Variants in OCA2 observed in about 807,000 individuals in gnomAD.
OCA2 encodes OCA2 melanosomal transmembrane protein.
In OCA2, 77 loss-of-function variants were observed where a neutral mutation model predicts 100.2. The observed-to-expected ratio is 0.77, with a 90% confidence interval of 0.64 to 0.93. The LOEUF (loss-of-function observed/expected upper bound fraction) is 0.93, where lower values mean the gene tolerates loss of function less well. Among genes scored for constraint, OCA2 ranks in the 40% least tolerant of loss-of-function variants. The probability of loss-of-function intolerance (pLI) is 0.00; values close to 1 mark genes in which losing one functional copy is unlikely to be tolerated. For synonymous variants in OCA2, 432 were observed against 439.2 expected, an observed-to-expected ratio of 0.98 and a Z score of 0.21; for missense variants, 1,062 against 1,089.1, an observed-to-expected ratio of 0.98 and a Z score of 0.35.
intron 2 of OCA2, among the ~76,000 whole-genome samples, chr15:28,050,478 T>C (rs2043476328): frequency 6.6e-6 from 1 of 151,330 alleles, no homozygotes; most frequent in African/African-American, 2.4e-5. Flanking sequence ...GGAGAATAGC[T>C]TGAACCCGGG....
At chr15:27,910,871 G>A (rs1332646677) in intron 19 of OCA2, among the ~76,000 whole-genome samples, 20 of 151,852 alleles carry the variant, frequency 1.3e-4, no homozygotes, top group African/African-American at 4.3e-4. Context: ...CAGGAGAATC[G>A]CTTGAACCCA....
At chr15:27,740,981 AAGTAG>A in the OCA2 span, among the ~76,000 whole-genome samples, 6 of 152,306 alleles carry the variant, frequency 3.9e-5, no homozygotes, top group African/African-American at 1.4e-4. Context: ...TGATAACAGT[AAGTAG>A]AGTAGAGGAA....
chr15:27,753,455 C>T (rs985815436), downstream of OCA2, among the ~76,000 whole-genome samples: 1 of 152,130 alleles, frequency 6.6e-6, no homozygotes, highest in African/African-American at 2.4e-5. Flanking sequence ...AGGGATGGGC[C>T]GGGCACGGTG....
At chr15:27,982,595 A>T (rs2041204704) in intron 14 of OCA2, among the ~76,000 whole-genome samples, 1 of 152,220 alleles carries the variant, frequency 6.6e-6, no homozygotes, top group Admixed American at 6.5e-5. Flanking sequence ...CCCTGGAGCC[A>T]TGGATTCTCA....
the OCA2 span, among the ~76,000 whole-genome samples, chr15:27,742,004 G>C: frequency 6.6e-6 from 1 of 152,144 alleles, no homozygotes; most frequent in East Asian, 1.9e-4. Flanking sequence ...TCCTCCTCTT[G>C]ACATTTTCTT....
At chr15:27,752,812 C>A (rs984759032), downstream of OCA2, among the ~76,000 whole-genome samples, 182 of 122,510 alleles carry the variant, frequency 1.5e-3, 6 homozygotes, top group Admixed American at 0.013. Flanking sequence ...CCCCCCCCCC[C>A]CCCCAGAGGC....
At chr15:27,771,413 C>T (rs1052373172) in intron 23 of OCA2, among the ~76,000 whole-genome samples, 1 of 146,952 alleles carries the variant, frequency 6.8e-6, no homozygotes, top group Admixed American at 6.8e-5. Context: ...AATACAGCCG[C>T]GCACGGAAAT....
chr15:27,867,687 T>C (rs2036379509), intron 21 of OCA2, among the ~76,000 whole-genome samples: 2 of 152,202 alleles, frequency 1.3e-5, no homozygotes, highest in Admixed American at 1.3e-4. Flanking sequence ...AACAAAGTTC[T>C]CTGCTGTATC....
chr15:27,932,484 T>C, intron 18 of OCA2, among the ~76,000 whole-genome samples: 1 of 120,378 alleles, frequency 8.3e-6, no homozygotes, highest in East Asian at 2.9e-4. Context: ...AGGGCAGAGC[T>C]AGGGGGCGGT....
At chr15:27,966,415 A>G (rs920261204) in intron 15 of OCA2, among the ~76,000 whole-genome samples, 10 of 152,198 alleles carry the variant, frequency 6.6e-5, no homozygotes, top group African/African-American at 2.4e-4. Context: ...TGTACCATAT[A>G]CACGTGGCTT....
At chr15:27,731,363 GC>G in the OCA2 span, among the ~76,000 whole-genome samples, 1 of 152,116 alleles carries the variant, frequency 6.6e-6, no homozygotes, top group African/African-American at 2.4e-5. Flanking sequence ...AGCAAGAACA[GC>G]CATTTTAGCT....
intron 23 of OCA2, among the ~76,000 whole-genome samples, chr15:27,838,940 A>G (rs2151351013): frequency 6.6e-6 from 1 of 152,312 alleles, no homozygotes; most frequent in South Asian, 2.1e-4. Context: ...GCCAATGGTG[A>G]GCATCCAATA....
intron 19 of OCA2, among the ~76,000 whole-genome samples, chr15:27,915,597 T>C (rs1489497289): frequency 1.3e-5 from 2 of 151,084 alleles, no homozygotes; most frequent in Non-Finnish European, 2.9e-5. Context: ...CCAACAAGCA[T>C]ATGAACAAAT....
intron 19 of OCA2, among the ~76,000 whole-genome samples, chr15:27,919,971 C>CAACT (rs2038799270): frequency 1.3e-5 from 2 of 152,036 alleles, no homozygotes; most frequent in Admixed American, 1.3e-4. Context: ...ATAGAGCAAT[C>CAACT]AACTGGGAAT....
At chr15:27,880,120 A>T (rs1009674820) in intron 19 of OCA2, among the ~76,000 whole-genome samples, 1 of 152,162 alleles carries the variant, frequency 6.6e-6, no homozygotes, top group Non-Finnish European at 1.5e-5. Flanking sequence ...TCCTATCCCC[A>T]TTGCTTGTTT....
intron 14 of OCA2, among the ~76,000 whole-genome samples, chr15:27,970,278 G>A (rs1275630536): frequency 7.3e-6 from 1 of 137,600 alleles, no homozygotes; most frequent in Non-Finnish European, 1.7e-5. Flanking sequence ...AAATAGGTGT[G>A]TGGAAACCAA....
intron 23 of OCA2, among the ~76,000 whole-genome samples, chr15:27,814,882 CTATAGATAGATA>C (rs2034219636): frequency 7.3e-6 from 1 of 136,576 alleles, no homozygotes; most frequent in Non-Finnish European, 1.6e-5. Flanking sequence ...GATTCTCTCT[CTATAGATAGATA>C]GATAGATAGA....
At chr15:28,000,113 T>A (rs921203009) in intron 9 of OCA2, among the ~76,000 whole-genome samples, 1 of 151,910 alleles carries the variant, frequency 6.6e-6, no homozygotes, top group East Asian at 1.9e-4. Context: ...TAGAAAAAAA[T>A]TCTAATTTAT....
chr15:27,917,528 G>C (rs902546906), intron 19 of OCA2, among the ~76,000 whole-genome samples: 2 of 152,136 alleles, frequency 1.3e-5, no homozygotes, highest in Non-Finnish European at 1.5e-5. Flanking sequence ...ATCCCCACTG[G>C]AGTGCTCTCA....
Sources: gnomAD v4.1 joint callset for allele counts (sites outside exome capture counted in the v4.1 genomes callset) on GRCh38, gnomAD v4.1.1 for gene constraint, MANE v1.5 for transcripts, NCBI Gene and HGNC (gene_info 2026-07-23, HGNC 2026-07-21) for gene names.